SGK1: variants seen among roughly 807,000 people sequenced by gnomAD.
The protein encoded by SGK1 is serum/glucocorticoid regulated kinase 1.
A neutral mutation model predicts 64.2 loss-of-function variants in SGK1; 26 were observed. The observed-to-expected ratio is 0.40, with a 90% CI of 0.30 to 0.56. The LOEUF (loss-of-function observed/expected upper bound fraction) is 0.56, where lower values mean the gene tolerates loss of function less well. Among genes scored for constraint, SGK1 ranks in the 20% least tolerant of loss-of-function variants. The pLI, the probability that SGK1 is intolerant of heterozygous loss-of-function variation, is 0.38. For synonymous variants in SGK1, 265 were observed against 239.7 expected (o/e 1.11, Z -0.98); for missense variants, 519 against 645.6 (o/e 0.80, Z 2.12).
chr6:134,240,814 G>A lies in SGK1; in HGVS notation c.285+21119C>T, dbSNP rs558890699. ...CACCAAGATTAAAGGAAGTGTCTTC[G>A]AGGTTAGTAGATGATGACAGTGAGG... On this transcript the variant is annotated intron_variant, in intron 2 of 13. Transcript: ENST00000367858. Among the ~76,000 whole-genome samples, 36 of 152,252 alleles carry A rather than the reference G, an allele frequency of 2.4e-4. 2 individuals carry two copies. The South Asian group carries it at 7.5e-3, about 32-fold the overall frequency.
rs926721097 is a variant in SGK1 at position 134,175,799 on chromosome 6, G to C, written c.362-1213C>G. 4 of 1,295,708 alleles carry C rather than the reference G, an allele frequency of 3.1e-6. No individual in the cohort carries two copies. The African/African-American group carries it at 6.2e-5, about 20-fold the overall frequency. The allele number at this position is 1,295,708 out of a possible 1,614,324, so 80.3% of individuals were successfully genotyped here. ...AAACAAACAAATGGCCCTTGTGCAC[G>C]GTCGGGTCGCTTCCGAAAACGCCTT... On this transcript the variant is annotated intron_variant, in intron 3 of 13. Coordinates refer to ENST00000367858, the MANE Select transcript of SGK1 (RefSeq NM_001143676.3).
At chr6:134,310,477 C>T (rs1357739501) in intron 1 of SGK1, among the ~76,000 whole-genome samples, 1 of 152,258 alleles carries the variant, frequency 6.6e-6, no homozygotes, top group African/African-American at 2.4e-5. Context: ...GTCTTACTCA[C>T]ACTCTGTGGC....
intron 9 of SGK1, 52 bp downstream of exon 9, chr6:134,172,610 G>T: frequency 8.3e-7 from 1 of 1,199,512 alleles, no homozygotes; most frequent in Non-Finnish European, 1.2e-6. Context: ...AACAGCCAGT[G>T]CTACGTCTCC....
Position 134,258,820 on chromosome 6 carries a change from A to G in SGK1, c.285+3113T>C, listed in dbSNP as rs569220387. Among the ~76,000 whole-genome samples, 3 of 152,234 alleles carry G rather than the reference A, an allele frequency of 2.0e-5. No homozygotes were observed. The South Asian group carries it at 6.2e-4, about 32-fold the overall frequency. ...CCAACCTGTCTCCACAAAAAATAAA[A>G]TAAAATAAAATAAAATTAGCTGGGC... On this transcript the variant is annotated intron_variant, in intron 2 of 13. Transcript: ENST00000367858.
intron 1 of SGK1, among the ~76,000 whole-genome samples, chr6:134,267,131 C>T (rs1776865744): frequency 1.3e-5 from 2 of 152,142 alleles, no homozygotes; most frequent in Non-Finnish European, 1.5e-5. Flanking sequence ...ACTCCCTGAA[C>T]ACCCGCACTC....
intron 1 of SGK1, among the ~76,000 whole-genome samples, chr6:134,310,192 G>A (rs867523469): frequency 2.5e-4 from 38 of 151,964 alleles, no homozygotes; most frequent in Admixed American, 6.5e-4. Flanking sequence ...TATGGCACCC[G>A]CATTTCAGCA....
At chr6:134,224,225 G>A (rs1180369802) in intron 2 of SGK1, among the ~76,000 whole-genome samples, 1 of 152,186 alleles carries the variant, frequency 6.6e-6, no homozygotes, top group African/African-American at 2.4e-5. Flanking sequence ...TAGCATTTAG[G>A]CAAGTTAATC....
chr6:134,187,970 G>T (rs1775449558), intron 3 of SGK1, among the ~76,000 whole-genome samples: 1 of 152,184 alleles, frequency 6.6e-6, no homozygotes, highest in Non-Finnish European at 1.5e-5. Context: ...CTGGCAGATT[G>T]GGCACTCAGC....
rs1562260629 is a variant in SGK1, at chr6:134,235,540, T to TA, written c.285+26392_285+26393insT. Among the ~76,000 whole-genome samples the TA allele has an allele frequency of 5.9e-3, 450 of 76,490 alleles. 3 individuals carry two copies. Among genetic ancestry groups the TA allele is most frequent in the Middle Eastern group, 0.02 (3 of 150 alleles). 50.2% of individuals were successfully genotyped at this position (76,490 alleles called of 152,430 possible). A position where few individuals can be genotyped will look rare whatever the true frequency, so the allele number is the denominator to read the frequency against. ...AAGGAGGAAGTGGAAAAAATAGATA[T>TA]TTTTATTTATTTATTTATTTATTTA... On this transcript the variant is annotated intron_variant, in intron 2 of 13. Transcript: ENST00000367858.
rs71003671 is a variant in SGK1 at position 134,191,835 on chromosome 6, A to ATTTT, written c.361+15517_361+15520dup. 3.1e-4 allele frequency among the ~76,000 whole-genome samples: 19 copies of ATTTT among 61,202 alleles called. 1 individual carries two copies. The South Asian group carries it at 4.4e-3, about 14-fold the overall frequency. 40.2% of individuals were successfully genotyped at this position (61,202 alleles called of 152,430 possible). On this transcript the variant is annotated intron_variant, in intron 3 of 13. Transcript: ENST00000367858. ...AGGCATGCGCCACCACGCCCGGCTG[A>ATTTT]TTTTTTTTTTTTTTTTTTGAGACAG...
intron 1 of SGK1, among the ~76,000 whole-genome samples, chr6:134,293,084 G>T (rs781775558): frequency 1.3e-5 from 2 of 152,152 alleles, no homozygotes; most frequent in Non-Finnish European, 2.9e-5. Context: ...AAGAGGGAGA[G>T]AATATTTTTA....
chr6:134,183,292 T>G (rs1775359665), intron 3 of SGK1, among the ~76,000 whole-genome samples: 1 of 152,184 alleles, frequency 6.6e-6, no homozygotes, highest in Non-Finnish European at 1.5e-5. Context: ...CATTTATTTT[T>G]TCTTTGTGTT....
At chr6:134,192,338 G>C (rs1007653684) in intron 3 of SGK1, among the ~76,000 whole-genome samples, 5 of 152,136 alleles carry the variant, frequency 3.3e-5, no homozygotes, top group African/African-American at 1.2e-4. Context: ...AGGATTTCGT[G>C]AGCTGCATTG....
chr6:134,184,241 G>A (rs1459207135), intron 3 of SGK1, among the ~76,000 whole-genome samples: 1 of 152,094 alleles, frequency 6.6e-6, no homozygotes, highest in Non-Finnish European at 1.5e-5. Flanking sequence ...GCTCACGCCT[G>A]TAATATCAGA....
At chr6:134,266,260 C>G (rs1776853481) in intron 1 of SGK1, among the ~76,000 whole-genome samples, 1 of 151,058 alleles carries the variant, frequency 6.6e-6, no homozygotes, top group African/African-American at 2.4e-5. Flanking sequence ...GCTGGTAATA[C>G]AGGCGTGAGC....
At chr6:134,202,841 A>G (rs999539902) in intron 3 of SGK1, among the ~76,000 whole-genome samples, 2 of 152,246 alleles carry the variant, frequency 1.3e-5, no homozygotes, top group South Asian at 2.1e-4. Context: ...GGTTTAGTAC[A>G]TATATAGATA....
intron 2 of SGK1, among the ~76,000 whole-genome samples, chr6:134,209,200 G>A (rs573856045): frequency 4.6e-5 from 7 of 152,252 alleles, no homozygotes; most frequent in Non-Finnish European, 7.3e-5. Context: ...TTGGGAGGCC[G>A]AGGCGGGCGG....
chr6:134,268,482 T>G (rs1172789264), intron 1 of SGK1, among the ~76,000 whole-genome samples: 1 of 151,694 alleles, frequency 6.6e-6, no homozygotes, highest in Non-Finnish European at 1.5e-5. Context: ...TCCCAGTACT[T>G]TGGGAGGAGG....
Position 134,172,235 on chromosome 6 carries a change from A to G in SGK1, c.1029T>C (p.Ile343=), listed in dbSNP as rs147453070. 3.0e-4 allele frequency: 478 copies of G among 1,614,084 alleles called. No individual in the cohort carries two copies. Among genetic ancestry groups the G allele is most frequent in the Non-Finnish European group, 3.9e-4 (457 of 1,180,036 alleles). Residue 343 remains isoleucine, a synonymous_variant, in exon 10 of 14, where the codon ATT becomes ATC. Transcript: ENST00000367858. Reference sequence around the variant, plus strand: ...AGGTGGATGTTGTGCTGTTGTGTTCAATGTTCTCCTTGCAGAGTCCGAAGT... The same window carrying G: ...AGGTGGATGTTGTGCTGTTGTGTTCGATGTTCTCCTTGCAGAGTCCGAAGT... The part of the protein sequence containing the change: ...LTDFGLCKEN[I]EHNSTTSTFC...
Sources: gnomAD v4.1 joint callset for allele counts (sites outside exome capture counted in the v4.1 genomes callset) on GRCh38, gnomAD v4.1.1 for gene constraint, MANE v1.5 for transcripts, NCBI Gene and HGNC (gene_info 2026-07-23, HGNC 2026-07-21) for gene names.